The following DARS2 variants were observed in gnomAD, a reference collection of about 807,000 sequenced individuals.
The protein encoded by DARS2 is aspartyl-tRNA synthetase 2, mitochondrial, also known as aspartate--tRNA ligase, mitochondrial.
A neutral mutation model predicts 83.0 loss-of-function variants in DARS2; 63 were observed. The ratio of observed to expected loss-of-function variants is 0.76; its 90% CI spans 0.62 to 0.94. The LOEUF (loss-of-function observed/expected upper bound fraction) is 0.94. Among genes scored for constraint, DARS2 ranks in the 40% least tolerant of loss-of-function variants. The pLI, the probability that DARS2 is intolerant of heterozygous loss-of-function variation, is 0.00. For synonymous variants in DARS2, 250 were observed against 269.3 expected (o/e 0.93, Z 0.70); for missense variants, 675 against 774.4 (o/e 0.87, Z 1.52).
In DARS2 at chr1:173,839,402, G is replaced by C. The variant is rs1261991315; in HGVS notation, c.876G>C (p.Gly292=). Reference sequence around the variant, plus strand: ...AGATGTCATTTGTAGACCAGACTGGGATCCAGAGTTTAATTGAGGGTTTGC... The same window carrying C: ...AGATGTCATTTGTAGACCAGACTGGCATCCAGAGTTTAATTGAGGGTTTGC... ...DIEMSFVDQT[G]IQSLIEGLLQ... The change falls in exon 10 of 17, where the codon GGG becomes GGC. Residue 292 remains glycine, a synonymous_variant. Coordinates refer to ENST00000649689, the MANE Select transcript of DARS2 (RefSeq NM_018122.5). The C allele has an allele frequency of 2.5e-6, 4 of 1,614,172 alleles. No individual in the cohort carries two copies. Among genetic ancestry groups the C allele is most frequent in the Non-Finnish European group, 3.4e-6 (4 of 1,180,024 alleles).
At chr1:173,826,223 CAAAAAAA>C (rs374688029) in intron 1 of DARS2, among the ~76,000 whole-genome samples, 7 of 124,616 alleles carry the variant, frequency 5.6e-5, no homozygotes, top group African/African-American at 2.0e-4. Flanking sequence ...GACTCCATCT[CAAAAAAA>C]AAAAAAAATC....
intron 2 of DARS2, among the ~76,000 whole-genome samples, chr1:173,827,541 G>A (rs1047806211): frequency 6.6e-6 from 1 of 152,078 alleles, no homozygotes; most frequent in African/African-American, 2.4e-5. Flanking sequence ...TGAGGAAGGA[G>A]AATTGCTTGA....
chr1:173,844,919 G>A (rs181204827), intron 11 of DARS2, among the ~76,000 whole-genome samples: 27 of 142,146 alleles, frequency 1.9e-4, no homozygotes, highest in African/African-American at 4.6e-4. Context: ...TCAACCTCCC[G>A]AGTAGCTGGG....
chr1:173,833,455 C>T lies in DARS2; in HGVS notation c.572C>T (p.Ser191Phe). 6.2e-7 allele frequency: 1 copy of T among 1,614,096 alleles called. No homozygotes were observed. The highest frequency in any genetic ancestry group is 8.5e-7 in the Non-Finnish European group (1 of 1,180,008). Reference sequence around the variant, plus strand: ...ATGCAGTATAACCTGCGACTGAGGTCCCAGATGGTCATGAAAATGCGGGAA... The same window carrying T: ...ATGCAGTATAACCTGCGACTGAGGTTCCAGATGGTCATGAAAATGCGGGAA... ...FQMQYNLRLR[S>F]QMVMKMREYL... is the part of the protein sequence containing the mutation. Residue 191 changes from serine (S) to phenylalanine (F), a missense_variant, in exon 6 of 17, where the codon TCC becomes TTC. Transcript: ENST00000649689.
Position 173,838,256 on chromosome 1 carries a change from T to G in DARS2, c.837T>G (p.Thr279=). 6.2e-7 allele frequency: 1 copy of G among 1,612,638 alleles called. No individual in the cohort carries two copies. The highest frequency in any genetic ancestry group is 8.5e-7 in the Non-Finnish European group (1 of 1,178,682). ...GSRPDRQPEF[T]QIDIEMSFVD... ...GACCAGACAGACAGCCTGAGTTTAC[T>G]CAGGTACAAAGTTATATTCACTTGT... is the stretch of plus-strand genomic sequence containing the variant. The change falls in exon 9 of 17, where the codon ACT becomes ACG. Residue 279 remains threonine, a synonymous_variant. Coordinates refer to ENST00000649689, the MANE Select transcript of DARS2 (RefSeq NM_018122.5).
At position 173,836,963 on chromosome 1, in the gene DARS2, A is replaced by G. The variant is rs745732446; in HGVS notation, c.687A>G (p.Pro229=). The change falls in exon 8 of 17, where the codon CCA becomes CCG. Residue 229 remains proline (P), a synonymous_variant. Coordinates refer to ENST00000649689, the MANE Select transcript of DARS2 (RefSeq NM_018122.5). ...AGGGTGCCAAAGAGTTTTTAGTACC[A>G]TCCAGGGAACCTGGAAAGTTTTATT... ...TPGGAKEFLV[P]SREPGKFYSL... 3 of 1,613,958 alleles carry G rather than the reference A, an allele frequency of 1.9e-6. No individual in the cohort carries two copies. The highest frequency in any genetic ancestry group is 2.5e-6 in the Non-Finnish European group (3 of 1,179,882).
intron 7 of DARS2, among the ~76,000 whole-genome samples, chr1:173,834,776 T>G (rs1652937580): frequency 9.9e-6 from 1 of 100,624 alleles, no homozygotes; most frequent in South Asian, 3.3e-4. Context: ...TTGGGTTTTT[T>G]TTTTTGTTTT....
intron 11 of DARS2, among the ~76,000 whole-genome samples, chr1:173,843,474 C>T (rs992553316): frequency 2.6e-5 from 4 of 152,220 alleles, no homozygotes; most frequent in East Asian, 1.9e-4. Context: ...GCAGAAGAAT[C>T]GCTTGAACCC....
chr1:173,828,410 A>G lies in DARS2; in HGVS notation c.294+11A>G. The G allele has an allele frequency of 6.2e-7, 1 of 1,608,914 alleles. No homozygotes were observed. The highest frequency in any genetic ancestry group is 1.3e-5 in the African/African-American group (1 of 74,766). On this transcript the variant is annotated intron_variant, in intron 3 of 16. Coordinates refer to ENST00000649689, the MANE Select transcript of DARS2 (RefSeq NM_018122.5). ...ATTCCCCAGGATGAGGTAATAGAAAATTTCCTGTTATTATCTAAAAGCTTC... is the reference window on the plus strand; with the variant it reads ...ATTCCCCAGGATGAGGTAATAGAAAGTTTCCTGTTATTATCTAAAAGCTTC...
Position 173,830,781 on chromosome 1 carries a change from T to A in DARS2, c.396+20T>A, listed in dbSNP as rs763988518. 1.1e-5 allele frequency: 18 copies of A among 1,603,526 alleles called. No individual in the cohort carries two copies. The Admixed American group carries it at 1.7e-4, about 15-fold the overall frequency. ...AATCCAGTAGGTAGTTTCGAAGATATCTGTGTAATTTTTGCTTGTATGCAT... is the reference window on the plus strand; with the variant it reads ...AATCCAGTAGGTAGTTTCGAAGATAACTGTGTAATTTTTGCTTGTATGCAT... On this transcript the variant is annotated intron_variant, in intron 4 of 16. Transcript: ENST00000649689.
At chr1:173,830,081 C>CA (rs931732778) in intron 3 of DARS2, among the ~76,000 whole-genome samples, 307 of 142,324 alleles carry the variant, frequency 2.2e-3, no homozygotes, top group African/African-American at 5.9e-3. Context: ...TACCCTGTGT[C>CA]AAAAAAAAAA....
At position 173,830,712 on chromosome 1, in the gene DARS2, T is replaced by C. The variant is rs780364134; in HGVS notation, c.347T>C (p.Val116Ala). The stretch of plus-strand genomic sequence containing the variant: ...TGTGAAGCCCCTGTGGAATCTGTGG[T>C]GCAAGTGTCTGGTACAGTCATTTCC... ...ILCEAPVESV[V>A]QVSGTVISRP... Residue 116 changes from valine to alanine, a missense_variant, in exon 4 of 17, where the codon GTG (valine) becomes GCG (alanine). Coordinates refer to ENST00000649689, the MANE Select transcript of DARS2 (RefSeq NM_018122.5). The C allele has an allele frequency of 6.2e-7, 1 of 1,614,106 alleles. No individual in the cohort carries two copies. Among genetic ancestry groups the C allele is most frequent in the South Asian group, 1.1e-5 (1 of 91,086 alleles).
intron 11 of DARS2, among the ~76,000 whole-genome samples, chr1:173,841,611 G>A (rs1653214345): frequency 1.3e-5 from 2 of 151,398 alleles, no homozygotes; most frequent in African/African-American, 4.9e-5. Flanking sequence ...TCAGGAGTTC[G>A]AGACCAGCCT....
rs1046279739 is a variant in DARS2, at chr1:173,858,476, A to C, written c.*771A>C. 6.6e-6 allele frequency: 1 copy of C among 152,196 alleles called. No individual in the cohort carries two copies. Among genetic ancestry groups the C allele is most frequent in the African/African-American group, 2.4e-5 (1 of 41,450 alleles). The allele number at this position is 152,196 out of a possible 1,614,324, so 9.4% of individuals were successfully genotyped here. ...GTATTATCCATCCATAAATAGGTAG[A>C]TATATCTCTATTTTATAGTTTCAGA... is the stretch of plus-strand genomic sequence containing the variant. On this transcript the variant is annotated 3_prime_UTR_variant, in exon 17 of 17. Transcript: ENST00000649689.
chr1:173,853,950 A>G (rs1362819731), intron 15 of DARS2, 45 bp downstream of exon 15: 1 of 1,519,066 alleles, frequency 6.6e-7, no homozygotes, highest in Non-Finnish European at 9.1e-7. Context: ...TTTTACCAGA[A>G]TATTTTTCAG....
intron 15 of DARS2, among the ~76,000 whole-genome samples, chr1:173,855,531 A>G (rs1029134365): frequency 5.9e-5 from 9 of 152,154 alleles, no homozygotes; most frequent in Non-Finnish European, 8.8e-5. Context: ...GTGCAATGGC[A>G]TGATCATAAC....
chr1:173,852,369 T>C (rs1653705365), intron 13 of DARS2: 1 of 550,646 alleles, frequency 1.8e-6, no homozygotes, highest in South Asian at 7.9e-5. Context: ...GTTCTGATAC[T>C]GTTGCTATTT....
At position 173,857,366 on chromosome 1, in the gene DARS2, C is replaced by G. The variant is rs1021389809; in HGVS notation, c.1751-152C>G. On this transcript the variant is annotated intron_variant, in intron 16 of 16. Transcript: ENST00000649689. ...GATAGAAAAGAACCTCTCAAACAAA[C>G]AAAAGTTCTCTAAAAAGGTAGGGAA... 5 of 743,554 alleles carry G rather than the reference C, an allele frequency of 6.7e-6. No homozygotes were observed. In the African/African-American group the frequency reaches 8.9e-5, roughly 13 times the overall value. 46.1% of individuals were successfully genotyped at this position (743,554 alleles called of 1,614,324 possible). A position where few individuals can be genotyped will look rare whatever the true frequency, so the allele number is the denominator to read the frequency against.
At chr1:173,843,441 T>C (rs1210370380) in intron 11 of DARS2, among the ~76,000 whole-genome samples, 1 of 152,114 alleles carries the variant, frequency 6.6e-6, no homozygotes, top group Non-Finnish European at 1.5e-5. Context: ...GCACCTGTAG[T>C]CCCAGCTACT....
Sources: gnomAD v4.1 joint callset for allele counts (sites outside exome capture counted in the v4.1 genomes callset) on GRCh38, gnomAD v4.1.1 for gene constraint, MANE v1.5 for transcripts, NCBI Gene and HGNC (gene_info 2026-07-23, HGNC 2026-07-21) for gene names.